Variants in RAD51AP2 observed in about 807,000 individuals in gnomAD.
The protein encoded by RAD51AP2 is RAD51-associated protein 2.
RAD51AP2 carries 67 observed loss-of-function variants against 85.5 expected under a neutral mutation model. That is an observed-to-expected ratio of 0.78 (90% CI 0.64 to 0.96). The LOEUF (loss-of-function observed/expected upper bound fraction) is 0.96. Among genes scored for constraint, RAD51AP2 ranks in the 40% least tolerant of loss-of-function variants. The pLI is 0.00. For missense variants in RAD51AP2, 1,307 were observed against 1,332.4 expected (o/e 0.98, Z 0.30); for synonymous variants, 474 against 446.5 (o/e 1.06, Z -0.78).
Position 17,514,066 on chromosome 2 carries a change from G to A in RAD51AP2, c.3274C>T (p.Pro1092Ser). 1 of 1,584,968 alleles carries A rather than the reference G, an allele frequency of 6.3e-7. No individual in the cohort carries two copies. Among genetic ancestry groups the A allele is most frequent in the Non-Finnish European group, 8.7e-7 (1 of 1,155,426 alleles). Residue 1092 changes from proline to serine, a missense_variant, in exon 2 of 3, where the codon CCT becomes TCT. This residue lies in a region of RAD51AP2 where 668 missense variants were observed against 671.0 expected (regional missense o/e 1.00). Transcript: ENST00000399080. ...TTACATTCATCAGGGAGAAAAGCAG[G>A]TCTTTTAGGTAAAGGTGTTTCACAA... The part of the protein sequence containing the change: ...KDCETPLPKR[P>S]AFLPDECKEE...
intron 1 of RAD51AP2, 77 bp downstream of exon 1, chr2:17,515,092 T>C (rs1662610568): frequency 7.7e-6 from 9 of 1,163,986 alleles, no homozygotes; most frequent in South Asian, 1.8e-5. Flanking sequence ...GTTGTCAAAA[T>C]TATACATTTG....
chr2:17,530,070 C>T, the RAD51AP2 span, among the ~76,000 whole-genome samples: 1 of 152,302 alleles, frequency 6.6e-6, no homozygotes, highest in Non-Finnish European at 1.5e-5. Flanking sequence ...TCTCACAGAA[C>T]AAGAGTGTCA....
the RAD51AP2 span, among the ~76,000 whole-genome samples, chr2:17,524,890 AG>A: frequency 6.6e-6 from 1 of 151,960 alleles, no homozygotes; most frequent in Non-Finnish European, 1.5e-5. Context: ...AAGGCTTCAC[AG>A]AGGAAAGGAT....
At chr2:17,534,507 C>G in the RAD51AP2 span, among the ~76,000 whole-genome samples, 23 of 151,868 alleles carry the variant, frequency 1.5e-4, no homozygotes, top group African/African-American at 5.6e-4. Flanking sequence ...TCACATTATA[C>G]CACTTTACTT....
In RAD51AP2 at chr2:17,517,359, A is replaced by G; in HGVS notation, c.1057T>C (p.Cys353Arg). The G allele has an allele frequency of 6.2e-7, 1 of 1,613,874 alleles. No individual in the cohort carries two copies. The highest frequency in any genetic ancestry group is 1.3e-5 in the African/African-American group (1 of 75,032). ...CTTACATTACACTGGATACTACTGCAGTTACAGTAGTTTGAACTGATCAAG... is the reference window on the plus strand; with the variant it reads ...CTTACATTACACTGGATACTACTGCGGTTACAGTAGTTTGAACTGATCAAG... ...KDLISSNYCN[C>R]SSIQCNVRDS... The change falls in exon 1 of 3, where the codon TGC becomes CGC. Residue 353 changes from cysteine (C) to arginine (R), a missense_variant. This residue lies in a region of RAD51AP2 where 635 missense variants were observed against 643.6 expected (regional missense o/e 0.99). Coordinates refer to ENST00000399080, the MANE Select transcript of RAD51AP2 (RefSeq NM_001099218.3).
upstream of RAD51AP2, chr2:17,518,532 A>G: frequency 1.5e-6 from 2 of 1,354,290 alleles, no homozygotes; most frequent in Non-Finnish European, 2.0e-6. Flanking sequence ...GCCTTAGCCT[A>G]ATCTCAGGGT....
chr2:17,521,811 A>T (rs1020347251), upstream of RAD51AP2, among the ~76,000 whole-genome samples: 6 of 152,168 alleles, frequency 3.9e-5, no homozygotes, highest in Non-Finnish European at 8.8e-5. Flanking sequence ...CATTAATGAC[A>T]TCATAATCTA....
At chr2:17,537,319 T>C in the RAD51AP2 span, among the ~76,000 whole-genome samples, 5 of 151,952 alleles carry the variant, frequency 3.3e-5, no homozygotes, top group Non-Finnish European at 4.4e-5. Flanking sequence ...GAGACCCCTG[T>C]CTCTCTCAGA....
the RAD51AP2 span, among the ~76,000 whole-genome samples, chr2:17,531,645 G>A: frequency 5.3e-5 from 8 of 152,138 alleles, 1 homozygote; most frequent in Middle Eastern, 3.2e-3. Context: ...ATCTTAAGCA[G>A]AATTTGAATT....
Position 17,517,031 on chromosome 2 carries a change from A to C in RAD51AP2, c.1385T>G (p.Leu462Arg). The change falls in exon 1 of 3, where the codon CTC (leucine) becomes CGC (arginine). Residue 462 changes from leucine (L) to arginine (R), a missense_variant. This residue lies in a region of RAD51AP2 where 635 missense variants were observed against 643.6 expected (regional missense o/e 0.99). Coordinates refer to ENST00000399080, the MANE Select transcript of RAD51AP2 (RefSeq NM_001099218.3). ...INAYEEQSKL[L>R]VREILGSQTA... is the part of the protein sequence containing the mutation. ...CTGACTACCTAATATTTCTCTTACG[A>C]GAAGCTTTGATTGTTCTTCATATGC... 6.2e-7 allele frequency: 1 copy of C among 1,605,368 alleles called. No homozygotes were observed. The highest frequency in any genetic ancestry group is 1.1e-5 in the South Asian group (1 of 88,132).
At chr2:17,513,323 C>T (rs1342156334) in intron 2 of RAD51AP2, among the ~76,000 whole-genome samples, 42 of 151,042 alleles carry the variant, frequency 2.8e-4, no homozygotes, top group African/African-American at 9.5e-4. Context: ...CTGCAAGCCC[C>T]GCCTCCCGGG....
chr2:17,532,441 T>A, the RAD51AP2 span, among the ~76,000 whole-genome samples: 267 of 152,248 alleles, frequency 1.8e-3, 4 homozygotes, highest in East Asian at 0.044. Context: ...GTCTGTGTTT[T>A]TTCTCTTATA....
chr2:17,521,612 T>C (rs1474469707), upstream of RAD51AP2, among the ~76,000 whole-genome samples: 1 of 152,038 alleles, frequency 6.6e-6, no homozygotes, highest in Admixed American at 6.6e-5. Context: ...CAAATAGCAC[T>C]TTTCATCAAG....
chr2:17,524,268 C>T, the RAD51AP2 span, among the ~76,000 whole-genome samples: 1 of 151,936 alleles, frequency 6.6e-6, no homozygotes, highest in African/African-American at 2.4e-5. Flanking sequence ...ATTTATTGAG[C>T]ATCTATTATT....
the RAD51AP2 span, among the ~76,000 whole-genome samples, chr2:17,532,827 A>T: frequency 6.6e-6 from 1 of 152,250 alleles, no homozygotes; most frequent in Non-Finnish European, 1.5e-5. Context: ...CAATTTAGCC[A>T]GCATGCATAT....
In RAD51AP2 at chr2:17,518,113, A is replaced by G. The variant is rs1260171510; in HGVS notation, c.303T>C (p.Asn101=). The G allele has an allele frequency of 6.2e-7, 1 of 1,614,050 alleles. No homozygotes were observed. Among genetic ancestry groups the G allele is most frequent in the Non-Finnish European group, 8.5e-7 (1 of 1,180,032 alleles). The change falls in exon 1 of 3, where the codon AAT becomes AAC. Residue 101 remains asparagine (N), a synonymous_variant. Coordinates refer to ENST00000399080, the MANE Select transcript of RAD51AP2 (RefSeq NM_001099218.3). ...GGAATTTGAGATTTGAGCATTTCAG[A>G]TTACATATCTGCTTCCCACTGACTG... ...EKSVSGKQIC[N]LKCSNLKFQM... is the part of the protein sequence containing the mutation.
rs1662683124 is a variant in RAD51AP2 at position 17,516,694 on chromosome 2, T to C, written c.1722A>G (p.Glu574=). The C allele has an allele frequency of 6.3e-7, 1 of 1,576,028 alleles. No individual in the cohort carries two copies. The highest frequency in any genetic ancestry group is 1.4e-5 in the African/African-American group (1 of 73,426). Residue 574 remains glutamate (E), a synonymous_variant, in exon 1 of 3, where the codon GAA becomes GAG. Coordinates refer to ENST00000399080, the MANE Select transcript of RAD51AP2 (RefSeq NM_001099218.3). ...LSIYLQDSVS[E]PLDILLKTNI... Reference sequence around the variant, plus strand: ...TAGTTTTCAATAGAATATCTAAAGGTTCTGAAACACTATCTTGTAAATATA... The same window carrying C: ...TAGTTTTCAATAGAATATCTAAAGGCTCTGAAACACTATCTTGTAAATATA...
chr2:17,530,021 T>C, the RAD51AP2 span, among the ~76,000 whole-genome samples: 1 of 152,198 alleles, frequency 6.6e-6, no homozygotes, highest in Non-Finnish European at 1.5e-5. Context: ...CAGAAATCAC[T>C]GACTGATACT....
chr2:17,535,862 C>T, the RAD51AP2 span, among the ~76,000 whole-genome samples: 2 of 142,298 alleles, frequency 1.4e-5, no homozygotes, highest in Non-Finnish European at 3.0e-5. Context: ...CACCAGTGAT[C>T]ATTCTTTCTC....
Sources: allele counts gnomAD v4.1 joint callset (sites outside exome capture counted in the v4.1 genomes callset), GRCh38; gene constraint gnomAD v4.1.1; regional missense constraint gnomAD v4.1.1; transcripts MANE v1.5; gene names NCBI Gene and HGNC (gene_info 2026-07-23, HGNC 2026-07-21).